Variants in OR9Q1 observed in about 807,000 individuals in gnomAD.
The protein encoded by OR9Q1 is olfactory receptor family 9 subfamily Q member 1.
For missense variants in OR9Q1, 374 were observed against 378.8 expected (o/e 0.99, Z 0.11); for synonymous variants, 153 against 148.6 (o/e 1.03, Z -0.22).
intron 2 of OR9Q1, among the ~76,000 whole-genome samples, chr11:58,080,366 C>A (rs779154188): frequency 6.6e-6 from 1 of 151,958 alleles, no homozygotes; most frequent in Admixed American, 6.6e-5. Context: ...TGCATATGTA[C>A]CACATTAAAA....
intron 2 of OR9Q1, among the ~76,000 whole-genome samples, chr11:58,154,872 C>A (rs1431077025): frequency 2.0e-5 from 3 of 152,194 alleles, no homozygotes; most frequent in South Asian, 2.1e-4. Flanking sequence ...TCCCACTACA[C>A]TGGGCTTTTC....
chr11:58,052,824 T>C (rs1364839673), intron 1 of OR9Q1, among the ~76,000 whole-genome samples: 2 of 151,170 alleles, frequency 1.3e-5, no homozygotes, highest in African/African-American at 4.8e-5. Flanking sequence ...AAGACATTTA[T>C]GCAGCCAAAA....
At chr11:58,122,570 A>G (rs1011944117) in intron 2 of OR9Q1, among the ~76,000 whole-genome samples, 3 of 152,222 alleles carry the variant, frequency 2.0e-5, no homozygotes, top group Non-Finnish European at 4.4e-5. Flanking sequence ...AAAGCAATGC[A>G]GGCACTATTT....
intron 2 of OR9Q1, among the ~76,000 whole-genome samples, chr11:58,140,841 G>C (rs1341953471): frequency 1.3e-5 from 2 of 152,192 alleles, no homozygotes; most frequent in African/African-American, 2.4e-5. Context: ...TTGGTAGCTT[G>C]ATGGGGATGG....
intron 2 of OR9Q1, chr11:58,117,100 G>C (rs1853963044): frequency 6.6e-6 from 1 of 152,144 alleles, no homozygotes; most frequent in Non-Finnish European, 1.5e-5. Flanking sequence ...TTAAATTCTA[G>C]CAAGGGTCCA....
chr11:58,067,237 C>T (rs1017159962), intron 2 of OR9Q1, among the ~76,000 whole-genome samples: 2 of 151,962 alleles, frequency 1.3e-5, no homozygotes, highest in South Asian at 4.2e-4. Flanking sequence ...AGGGTTTCAC[C>T]GTGTTAGCCC....
chr11:58,127,313 A>G (rs1163088026), intron 2 of OR9Q1, among the ~76,000 whole-genome samples: 2 of 152,186 alleles, frequency 1.3e-5, no homozygotes, highest in African/African-American at 2.4e-5. Context: ...TTCCTTAAAA[A>G]AAGACCCGGG....
At chr11:58,037,742 G>A (rs1431346635) in intron 1 of OR9Q1, among the ~76,000 whole-genome samples, 24 of 80,450 alleles carry the variant, frequency 3.0e-4, no homozygotes, top group Non-Finnish European at 2.1e-4. Flanking sequence ...TTTTTGAGAC[G>A]GAGTCTCACT....
chr11:58,093,389 C>T (rs1301838261), intron 2 of OR9Q1, among the ~76,000 whole-genome samples: 20 of 151,940 alleles, frequency 1.3e-4, no homozygotes. Context: ...CAAAGGAAAA[C>T]ATACAAATGA....
rs1018188282 is a variant in OR9Q1, at chr11:58,180,490, G to A, written c.*113G>A. ...TTAAATGAATATATTATGGTACTAG[G>A]TATAAAAAAGAACCAGAACTTTTAG... On this transcript the variant is annotated 3_prime_UTR_variant, in exon 3 of 3. Transcript: ENST00000335397. 21 of 594,996 alleles carry A rather than the reference G, an allele frequency of 3.5e-5. No individual in the cohort carries two copies. The highest frequency in any genetic ancestry group is 5.3e-5 in the Non-Finnish European group (19 of 361,696). The allele number at this position is 594,996 out of a possible 1,614,324, so 36.9% of individuals were successfully genotyped here. A position where few individuals can be genotyped will look rare whatever the true frequency, so the allele number is the denominator to read the frequency against.
chr11:58,045,632 C>T (rs1321550564), intron 1 of OR9Q1, among the ~76,000 whole-genome samples: 1 of 152,164 alleles, frequency 6.6e-6, no homozygotes, highest in Non-Finnish European at 1.5e-5. Context: ...ATGACAAGTG[C>T]TAGTGAGCTG....
chr11:58,165,402 C>T (rs576641461), intron 2 of OR9Q1, among the ~76,000 whole-genome samples: 9 of 152,314 alleles, frequency 5.9e-5, no homozygotes, highest in African/African-American at 2.2e-4. Flanking sequence ...TGTGAAGGGA[C>T]TGTTTAGGCA....
At position 58,086,797 on chromosome 11, in the gene OR9Q1, G is replaced by A. The variant is rs564815370; in HGVS notation, c.-15+30850G>A. ...CACATTTGTATGTGGAATCTAAAAA[G>A]GTAAAATTCATAGAAATAGAGAGTA... On this transcript the variant is annotated intron_variant, in intron 2 of 2. Coordinates refer to ENST00000335397, the MANE Select transcript of OR9Q1 (RefSeq NM_001005212.4). Among the ~76,000 whole-genome samples, 15 of 151,900 alleles carry A rather than the reference G, an allele frequency of 9.9e-5. No individual in the cohort carries two copies. In the South Asian group the frequency reaches 3.1e-3, roughly 32 times the overall value.
chr11:58,108,284 A>G (rs1853862299), intron 2 of OR9Q1, among the ~76,000 whole-genome samples: 1 of 152,176 alleles, frequency 6.6e-6, no homozygotes, highest in African/African-American at 2.4e-5. Flanking sequence ...AATTAGTACA[A>G]TTTATAGCTA....
chr11:58,047,327 G>A (rs896301), intron 1 of OR9Q1: 141,431 of 152,230 alleles, frequency 0.93, 65,910 homozygotes, highest in South Asian at 0.97. Context: ...AATCTTTAAG[G>A]GTCCTTCTGC....
chr11:58,177,053 C>A (rs1391235612), intron 2 of OR9Q1, among the ~76,000 whole-genome samples: 2 of 152,140 alleles, frequency 1.3e-5, no homozygotes, highest in Non-Finnish European at 2.9e-5. Context: ...CTTTAATTAT[C>A]ATTTTTTTCC....
At chr11:58,146,289 C>T (rs1478097447) in intron 2 of OR9Q1, among the ~76,000 whole-genome samples, 1 of 152,122 alleles carries the variant, frequency 6.6e-6, no homozygotes, top group Non-Finnish European at 1.5e-5. Context: ...AGGACATTTA[C>T]TCTATTGTCA....
intron 2 of OR9Q1, among the ~76,000 whole-genome samples, chr11:58,112,408 G>A (rs1305914368): frequency 6.6e-6 from 1 of 152,166 alleles, no homozygotes; most frequent in Non-Finnish European, 1.5e-5. Context: ...ATAATCATAT[G>A]CTTTACAAAC....
In OR9Q1 at chr11:58,153,225, A is replaced by G. The variant is rs138977057; in HGVS notation, c.-14-26206A>G. 7.0e-3 allele frequency among the ~76,000 whole-genome samples: 1,068 copies of G among 152,364 alleles called. 10 individuals carry two copies. Among genetic ancestry groups the G allele is most frequent in the African/African-American group, 0.019 (775 of 41,590 alleles). The stretch of plus-strand genomic sequence containing the variant: ...ATTAGAGGAGGCACTGGGGATGCTT[A>G]CTTTGGAAAAAATTCAGTGAAGAAA... On this transcript the variant is annotated intron_variant, in intron 2 of 2. Coordinates refer to ENST00000335397, the MANE Select transcript of OR9Q1 (RefSeq NM_001005212.4).
Sources: allele counts gnomAD v4.1 joint callset (sites outside exome capture counted in the v4.1 genomes callset), GRCh38; gene constraint gnomAD v4.1.1; transcripts MANE v1.5; gene names NCBI Gene and HGNC (gene_info 2026-07-23, HGNC 2026-07-21).